The following CAMKMT variants were observed in gnomAD, a reference collection of about 807,000 sequenced individuals.
The protein encoded by CAMKMT is calmodulin-lysine N-methyltransferase.
A neutral mutation model predicts 48.0 loss-of-function variants in CAMKMT; 53 were observed. That is an observed-to-expected ratio of 1.10 (90% CI 0.89 to 1.39). The LOEUF (loss-of-function observed/expected upper bound fraction) is 1.39. Ranked by LOEUF, CAMKMT falls within the 40% of genes most tolerant of loss-of-function variation. CAMKMT has a pLI of 0.00. For missense variants in CAMKMT, 428 were observed against 402.7 expected (o/e 1.06, Z -0.54); for synonymous variants, 165 against 152.3 (o/e 1.08, Z -0.61).
intron 2 of CAMKMT, among the ~76,000 whole-genome samples, chr2:44,382,938 G>A (rs1225556157): frequency 2.6e-5 from 4 of 152,112 alleles, no homozygotes; most frequent in African/African-American, 2.4e-5. Flanking sequence ...CCACATACTG[G>A]GGGGCTTAAA....
intron 3 of CAMKMT, among the ~76,000 whole-genome samples, chr2:44,575,828 C>T (rs1158936226): frequency 1.3e-5 from 2 of 151,800 alleles, no homozygotes; most frequent in Admixed American, 1.3e-4. Flanking sequence ...CACTACACTC[C>T]AGTCTCGGTG....
intron 9 of CAMKMT, among the ~76,000 whole-genome samples, 187 bp from the exon 10 acceptor site, chr2:44,766,243 G>A (rs964348687): frequency 6.6e-6 from 1 of 152,156 alleles, no homozygotes; most frequent in Admixed American, 6.5e-5. Flanking sequence ...ATGTGAAATC[G>A]ATTCTTATAT....
chr2:44,495,798 A>G (rs1042583492), intron 3 of CAMKMT, among the ~76,000 whole-genome samples: 1 of 152,180 alleles, frequency 6.6e-6, no homozygotes, highest in African/African-American at 2.4e-5. Context: ...CCACATTATG[A>G]GCCCACAAAG....
intron 3 of CAMKMT, among the ~76,000 whole-genome samples, chr2:44,452,150 T>A (rs1667321862): frequency 6.6e-6 from 1 of 151,988 alleles, no homozygotes; most frequent in East Asian, 1.9e-4. Context: ...AAGTAGTTTC[T>A]TAGCCAGAAT....
intron 3 of CAMKMT, among the ~76,000 whole-genome samples, chr2:44,434,486 T>C (rs1283731600): frequency 2.0e-5 from 3 of 152,236 alleles, no homozygotes; most frequent in African/African-American, 4.8e-5. Context: ...AAAATAAAGC[T>C]TTCATTGACA....
chr2:44,665,456 CTT>C (rs1018108675), intron 3 of CAMKMT, among the ~76,000 whole-genome samples: 9 of 152,138 alleles, frequency 5.9e-5, no homozygotes, highest in Non-Finnish European at 1.2e-4. Context: ...AACCAAGAAC[CTT>C]ATATTGAGGC....
chr2:44,650,520 G>T (rs918141386), intron 3 of CAMKMT, among the ~76,000 whole-genome samples: 8 of 152,052 alleles, frequency 5.3e-5, no homozygotes, highest in African/African-American at 1.9e-4. Context: ...TCCAAGTGAC[G>T]TTTCTTTATA....
At chr2:44,602,942 G>A (rs1671081909) in intron 3 of CAMKMT, among the ~76,000 whole-genome samples, 1 of 151,696 alleles carries the variant, frequency 6.6e-6, no homozygotes, top group Non-Finnish European at 1.5e-5. Flanking sequence ...TTTGTGTATT[G>A]CCAAGTAAGT....
intron 3 of CAMKMT, among the ~76,000 whole-genome samples, chr2:44,606,594 A>G (rs1671297325): frequency 1.3e-5 from 2 of 152,172 alleles, no homozygotes; most frequent in South Asian, 2.1e-4. Flanking sequence ...CCAGCTTTTT[A>G]TTATTTAAAT....
intron 3 of CAMKMT, among the ~76,000 whole-genome samples, chr2:44,447,990 A>G (rs144351848): frequency 1.3e-4 from 20 of 152,354 alleles, no homozygotes; most frequent in Non-Finnish European, 2.9e-4. Flanking sequence ...TATAAGTGGT[A>G]TAATGCTAGA....
At chr2:44,617,534 C>G (rs1229707757) in intron 3 of CAMKMT, among the ~76,000 whole-genome samples, 3 of 152,202 alleles carry the variant, frequency 2.0e-5, no homozygotes, top group African/African-American at 7.2e-5. Context: ...ATAATTCAAA[C>G]TATAAAAGCT....
At chr2:44,564,688 G>T (rs927105552) in intron 3 of CAMKMT, among the ~76,000 whole-genome samples, 1 of 152,092 alleles carries the variant, frequency 6.6e-6, no homozygotes. Flanking sequence ...TTACAAGCAT[G>T]TGCCACCATG....
At chr2:44,575,671 A>G (rs1181389778) in intron 3 of CAMKMT, among the ~76,000 whole-genome samples, 1 of 151,878 alleles carries the variant, frequency 6.6e-6, no homozygotes. Context: ...GGAGTTTGAT[A>G]CCAGCCTTGG....
At chr2:44,499,854 C>A (rs369913809) in intron 3 of CAMKMT, among the ~76,000 whole-genome samples, 21 of 152,258 alleles carry the variant, frequency 1.4e-4, no homozygotes, top group East Asian at 1.4e-3. Context: ...GGTTATAGTT[C>A]TTACTTAGGA....
At chr2:44,498,748 G>T (rs1184958159) in intron 3 of CAMKMT, among the ~76,000 whole-genome samples, 1 of 152,206 alleles carries the variant, frequency 6.6e-6, no homozygotes, top group Non-Finnish European at 1.5e-5. Context: ...TTGGCTAAAG[G>T]CTGCTGAATG....
chr2:44,624,219 C>G (rs951976935), intron 3 of CAMKMT, among the ~76,000 whole-genome samples: 1 of 152,144 alleles, frequency 6.6e-6, no homozygotes, highest in African/African-American at 2.4e-5. Context: ...CTGTTAGGGA[C>G]ATTTGTGCAC....
chr2:44,712,532 CTTTA>C (rs988050046), intron 6 of CAMKMT, among the ~76,000 whole-genome samples: 1 of 152,012 alleles, frequency 6.6e-6, no homozygotes, highest in African/African-American at 2.4e-5. Context: ...CTGAACGGGG[CTTTA>C]TTTGAGAAGA....
intron 3 of CAMKMT, among the ~76,000 whole-genome samples, chr2:44,519,251 A>G (rs1670979972): frequency 6.6e-6 from 1 of 152,198 alleles, no homozygotes; most frequent in Admixed American, 6.5e-5. Flanking sequence ...ACTGGTGGAC[A>G]TTGAACTTTT....
intron 3 of CAMKMT, among the ~76,000 whole-genome samples, chr2:44,564,290 C>T (rs1328539558): frequency 6.6e-6 from 1 of 151,850 alleles, no homozygotes; most frequent in Non-Finnish European, 1.5e-5. Context: ...ATTCTCCTGC[C>T]TCAGCCTCCC....
Sources: gnomAD v4.1 joint callset for allele counts (sites outside exome capture counted in the v4.1 genomes callset) on GRCh38, gnomAD v4.1.1 for gene constraint, MANE v1.5 for transcripts, NCBI Gene and HGNC (gene_info 2026-07-23, HGNC 2026-07-21) for gene names.